Variants in CCDC171 observed in about 807,000 individuals in gnomAD.
CCDC171 encodes coiled-coil domain containing 171.
A neutral mutation model predicts 168.2 loss-of-function variants in CCDC171; 177 were observed. The ratio of observed to expected loss-of-function variants is 1.05; its 90% CI spans 0.93 to 1.19. The LOEUF is 1.19. Among genes scored for constraint, CCDC171 ranks in the 50% most tolerant of loss-of-function variants. The pLI, the probability that CCDC171 is intolerant of heterozygous loss-of-function variation, is 0.00. For missense variants in CCDC171, 1,991 were observed against 1,539.0 expected, an observed-to-expected ratio of 1.29 and a Z score of -4.91; for synonymous variants, 687 against 540.8, an observed-to-expected ratio of 1.27 and a Z score of -3.75.
In CCDC171 at chr9:15,820,773, A is replaced by T. The variant is rs551988365; in HGVS notation, c.3268-25929A>T. Among the ~76,000 whole-genome samples the T allele has an allele frequency of 9.8e-4, 116 of 117,816 alleles. 26 individuals are homozygous for T. The highest frequency in any genetic ancestry group is 3.5e-3 in the African/African-American group (111 of 31,368). 77.3% of individuals were successfully genotyped at this position (117,816 alleles called of 152,430 possible). ...TACCAGAGGTACAGGAGGAGCTGGT[A>T]CCATTCCTTCTGAAACTATTACAAT... is the stretch of plus-strand genomic sequence containing the variant. On this transcript the variant is annotated intron_variant, in intron 21 of 25. Coordinates refer to ENST00000380701, the MANE Select transcript of CCDC171 (RefSeq NM_173550.4).
At chr9:15,734,182 T>C (rs1014073655) in intron 16 of CCDC171, among the ~76,000 whole-genome samples, 1 of 152,220 alleles carries the variant, frequency 6.6e-6, no homozygotes, top group Non-Finnish European at 1.5e-5. Flanking sequence ...CCTTAGTCTT[T>C]GACCCATCTG....
chr9:15,834,620 G>C (rs542651209), intron 21 of CCDC171, among the ~76,000 whole-genome samples: 1 of 152,138 alleles, frequency 6.6e-6, no homozygotes, highest in South Asian at 2.1e-4. Flanking sequence ...GAGTGCTGGC[G>C]AGTATTATTT....
chr9:16,049,886 TG>T (rs1397928138), intron 1 of CCDC171, among the ~76,000 whole-genome samples: 1 of 152,140 alleles, frequency 6.6e-6, no homozygotes, highest in East Asian at 1.9e-4. Context: ...TTCTTACTGT[TG>T]TTTTTTTTGT....
intron 3 of CCDC171, among the ~76,000 whole-genome samples, chr9:15,979,187 G>T (rs1006124965): frequency 5.9e-5 from 9 of 152,048 alleles, no homozygotes; most frequent in African/African-American, 1.9e-4. Flanking sequence ...TAGTTTTGTG[G>T]TGTGAATTTC....
chr9:16,085,810 G>C, the CCDC171 span, among the ~76,000 whole-genome samples: 2 of 152,190 alleles, frequency 1.3e-5, no homozygotes, highest in Non-Finnish European at 2.9e-5. Context: ...TAGTCTGTAT[G>C]ATTATCACAA....
chr9:16,032,463 G>C (rs1475141492), intron 6 of CCDC171, among the ~76,000 whole-genome samples: 1 of 152,120 alleles, frequency 6.6e-6, no homozygotes, highest in Non-Finnish European at 1.5e-5. Flanking sequence ...AGTTCAGAGA[G>C]GGCAGCAGAG....
intron 7 of CCDC171, among the ~76,000 whole-genome samples, chr9:15,654,950 C>T (rs868706414): frequency 2.0e-4 from 31 of 152,246 alleles, no homozygotes; most frequent in African/African-American, 5.5e-4. Context: ...CCAAACACCG[C>T]CTGTTCTCAC....
At chr9:15,571,274 C>T (rs970094460) in intron 2 of CCDC171, among the ~76,000 whole-genome samples, 1 of 151,964 alleles carries the variant, frequency 6.6e-6, no homozygotes, top group Non-Finnish European at 1.5e-5. Flanking sequence ...ATTACATTTG[C>T]AGTAAACAAA....
At chr9:15,629,904 A>C (rs1257786585) in intron 7 of CCDC171, among the ~76,000 whole-genome samples, 1 of 152,230 alleles carries the variant, frequency 6.6e-6, no homozygotes, top group Non-Finnish European at 1.5e-5. Flanking sequence ...TTTTCAACCC[A>C]GAATTTCTTA....
intron 6 of CCDC171, among the ~76,000 whole-genome samples, chr9:15,606,879 A>T (rs2043268830): frequency 6.6e-6 from 1 of 152,200 alleles, no homozygotes; most frequent in Admixed American, 6.5e-5. Flanking sequence ...CTCAATTTCC[A>T]GTGTCCTTAA....
intron 21 of CCDC171, among the ~76,000 whole-genome samples, chr9:15,832,338 G>T (rs2060267539): frequency 6.6e-6 from 1 of 152,116 alleles, no homozygotes; most frequent in South Asian, 2.1e-4. Context: ...ACAGTCATGT[G>T]TCATTTAAGG....
intron 25 of CCDC171, among the ~76,000 whole-genome samples, chr9:15,944,114 C>G (rs965125582): frequency 6.6e-6 from 1 of 152,012 alleles, no homozygotes; most frequent in Non-Finnish European, 1.5e-5. Flanking sequence ...TACCCATATA[C>G]ATACCCTTAC....
chr9:16,097,282 T>A, the CCDC171 span, among the ~76,000 whole-genome samples: 1 of 152,206 alleles, frequency 6.6e-6, no homozygotes, highest in African/African-American at 2.4e-5. Flanking sequence ...AACCTCTGAG[T>A]GCCTCACTGT....
chr9:15,944,998 A>G (rs1362786369), intron 25 of CCDC171, among the ~76,000 whole-genome samples: 1 of 151,990 alleles, frequency 6.6e-6, no homozygotes, highest in Non-Finnish European at 1.5e-5. Context: ...GTCATCTAGC[A>G]TTAGGTATAT....
intron 4 of CCDC171, among the ~76,000 whole-genome samples, chr9:15,583,457 T>C (rs926762999): frequency 6.7e-6 from 1 of 150,364 alleles, no homozygotes; most frequent in Non-Finnish European, 1.5e-5. Context: ...CAAGGAATAC[T>C]ACTGAGCCAT....
In CCDC171 at chr9:15,818,880, A is replaced by G. The variant is rs537485439; in HGVS notation, c.3268-27822A>G. On this transcript the variant is annotated intron_variant, in intron 21 of 25. Coordinates refer to ENST00000380701, the MANE Select transcript of CCDC171 (RefSeq NM_173550.4). ...ACTCCTCGAGAAGAGCAACTCTGAG[A>G]CACATAATTGTCAGATTCCCCAAAG... Among the ~76,000 whole-genome samples, 2 of 117,238 alleles carry G rather than the reference A, an allele frequency of 1.7e-5. 1 individual carries two copies. The highest frequency in any genetic ancestry group is 3.8e-5 in the Non-Finnish European group (2 of 52,278). The allele number at this position is 117,238 out of a possible 152,430, so 76.9% of individuals were successfully genotyped here.
intron 24 of CCDC171, among the ~76,000 whole-genome samples, chr9:15,891,106 A>G (rs1159689610): frequency 6.6e-6 from 1 of 152,194 alleles, no homozygotes; most frequent in African/African-American, 2.4e-5. Flanking sequence ...TGTTTTTAGC[A>G]CCTCTGTCCA....
intron 18 of CCDC171, 49 bp from the exon 19 acceptor site, chr9:15,777,551 C>T: frequency 1.8e-6 from 2 of 1,110,710 alleles, no homozygotes; most frequent in Non-Finnish European, 2.7e-6. Context: ...TTGTGAAATG[C>T]ACAAGAGACA....
chr9:16,007,614 G>T (rs769270904), intron 3 of CCDC171, among the ~76,000 whole-genome samples: 1 of 152,096 alleles, frequency 6.6e-6, no homozygotes, highest in African/African-American at 2.4e-5. Context: ...TTAGTATAAG[G>T]TGTAAGGAAG....
Sources: allele counts gnomAD v4.1 joint callset (sites outside exome capture counted in the v4.1 genomes callset), GRCh38; gene constraint gnomAD v4.1.1; transcripts MANE v1.5; gene names NCBI Gene and HGNC (gene_info 2026-07-23, HGNC 2026-07-21).